THSD7B: variants seen among roughly 807,000 people sequenced by gnomAD.
THSD7B encodes the protein thrombospondin type 1 domain containing 7B, also known as thrombospondin type-1 domain-containing protein 7B.
In THSD7B, 138 loss-of-function variants were observed where a neutral mutation model predicts 213.6. The ratio of observed to expected loss-of-function variants is 0.65; its 90% CI spans 0.56 to 0.74. The LOEUF (loss-of-function observed/expected upper bound fraction) is 0.74, where lower values mean the gene tolerates loss of function less well. Ranked by LOEUF, THSD7B falls within the 30% of genes least tolerant of loss-of-function variation. The pLI is 0.00. For synonymous variants in THSD7B, 742 were observed against 687.0 expected, an observed-to-expected ratio of 1.08 and a Z score of -1.25; for missense variants, 1,931 against 1,991.5, an observed-to-expected ratio of 0.97 and a Z score of 0.58.
intron 1 of THSD7B, among the ~76,000 whole-genome samples, chr2:136,804,223 T>G (rs1420991603): frequency 6.6e-6 from 1 of 152,204 alleles, no homozygotes; most frequent in Non-Finnish European, 1.5e-5. Flanking sequence ...TTCAGCAATG[T>G]AATTACCTTT....
At chr2:136,769,038 C>A (rs1290234228) in intron 1 of THSD7B, among the ~76,000 whole-genome samples, 1 of 152,154 alleles carries the variant, frequency 6.6e-6, no homozygotes, top group Non-Finnish European at 1.5e-5. Context: ...ATCACAGGCA[C>A]CTGTGCTCCA....
At chr2:136,850,995 A>AT (rs1429534818) in intron 1 of THSD7B, among the ~76,000 whole-genome samples, 1 of 152,000 alleles carries the variant, frequency 6.6e-6, no homozygotes, top group African/African-American at 2.4e-5. Flanking sequence ...TTGCTGCACG[A>AT]TTTTTTGTTG....
intron 1 of THSD7B, among the ~76,000 whole-genome samples, chr2:136,789,020 G>T (rs958668098): frequency 6.6e-6 from 1 of 152,064 alleles, no homozygotes; most frequent in Non-Finnish European, 1.5e-5. Context: ...GTATGCAGTT[G>T]ATTAGGAGGT....
chr2:137,058,212 C>T (rs981407153), intron 3 of THSD7B, among the ~76,000 whole-genome samples: 1 of 151,992 alleles, frequency 6.6e-6, no homozygotes, highest in African/African-American at 2.4e-5. Flanking sequence ...ATATTTTATC[C>T]TTGATACTTC....
At chr2:137,412,215 C>T (rs535459065) in intron 14 of THSD7B, among the ~76,000 whole-genome samples, 2 of 151,780 alleles carry the variant, frequency 1.3e-5, no homozygotes, top group South Asian at 2.1e-4. Flanking sequence ...TTTTCATGCT[C>T]TGACCATATA....
intron 12 of THSD7B, among the ~76,000 whole-genome samples, chr2:137,376,995 T>C (rs373269957): frequency 3.3e-5 from 5 of 152,176 alleles, no homozygotes; most frequent in Admixed American, 3.3e-4. Context: ...AGTTAGATGA[T>C]TTCTTACCTA....
intron 9 of THSD7B, among the ~76,000 whole-genome samples, chr2:137,238,253 C>T (rs1681812033): frequency 6.6e-6 from 1 of 152,054 alleles, no homozygotes; most frequent in Non-Finnish European, 1.5e-5. Flanking sequence ...TGTGAATGTT[C>T]GAGTGTTGGG....
At chr2:137,088,993 G>A (rs1226301843) in intron 3 of THSD7B, among the ~76,000 whole-genome samples, 2 of 152,088 alleles carry the variant, frequency 1.3e-5, no homozygotes, top group African/African-American at 2.4e-5. Context: ...TGGATGCAGT[G>A]AACAAGGAAC....
chr2:137,260,584 A>G (rs2105082111), intron 10 of THSD7B, among the ~76,000 whole-genome samples: 1 of 152,254 alleles, frequency 6.6e-6, no homozygotes, highest in South Asian at 2.1e-4. Flanking sequence ...ACGACAAAGG[A>G]CAACCTTGTC....
chr2:137,306,098 C>A (rs530432821), intron 12 of THSD7B, among the ~76,000 whole-genome samples: 1 of 152,074 alleles, frequency 6.6e-6, no homozygotes, highest in South Asian at 2.1e-4. Context: ...TGGTAGTGAA[C>A]GTGAAGCCCC....
intron 2 of THSD7B, among the ~76,000 whole-genome samples, chr2:136,982,259 T>C (rs1273703090): frequency 6.6e-6 from 1 of 152,120 alleles, no homozygotes; most frequent in Non-Finnish European, 1.5e-5. Flanking sequence ...AAAATACTCT[T>C]TCTAGGTAAG....
intron 15 of THSD7B, among the ~76,000 whole-genome samples, chr2:137,486,950 A>G (rs1276350623): frequency 1.3e-5 from 2 of 152,198 alleles, no homozygotes; most frequent in Non-Finnish European, 2.9e-5. Context: ...ACCAATGAGA[A>G]CAAAGCCACA....
At chr2:137,434,577 C>T (rs1270222696) in intron 14 of THSD7B, among the ~76,000 whole-genome samples, 2 of 152,176 alleles carry the variant, frequency 1.3e-5, no homozygotes, top group Non-Finnish European at 2.9e-5. Flanking sequence ...TTCACGAGCT[C>T]ATGGCTCCTT....
intron 15 of THSD7B, among the ~76,000 whole-genome samples, chr2:137,467,621 C>A (rs1450153448): frequency 6.6e-6 from 1 of 152,020 alleles, no homozygotes; most frequent in African/African-American, 2.4e-5. Flanking sequence ...TTTTTGATAC[C>A]TAATTTGACA....
At chr2:136,790,795 C>T (rs533819789) in intron 1 of THSD7B, among the ~76,000 whole-genome samples, 6 of 152,056 alleles carry the variant, frequency 3.9e-5, no homozygotes, top group African/African-American at 7.2e-5. Context: ...AGACCAAGGA[C>T]GCTACAAACT....
intron 12 of THSD7B, among the ~76,000 whole-genome samples, chr2:137,321,682 G>A (rs923004531): frequency 4.6e-5 from 7 of 152,118 alleles, no homozygotes; most frequent in Admixed American, 1.3e-4. Context: ...TATGCAAAGT[G>A]GTCTGCAATA....
intron 17 of THSD7B, among the ~76,000 whole-genome samples, chr2:137,581,047 A>G (rs535061804): frequency 8.8e-4 from 134 of 152,294 alleles, no homozygotes; most frequent in African/African-American, 3.1e-3. Flanking sequence ...CAGGTGATAT[A>G]ATATGTCTGA....
intron 16 of THSD7B, among the ~76,000 whole-genome samples, chr2:137,568,571 G>T (rs1412336182): frequency 1.3e-5 from 2 of 152,118 alleles, no homozygotes; most frequent in South Asian, 2.1e-4. Context: ...CCACATGGCT[G>T]GGGAGGCCTC....
At chr2:137,010,712 C>T (rs1251295523) in intron 2 of THSD7B, among the ~76,000 whole-genome samples, 1 of 152,142 alleles carries the variant, frequency 6.6e-6, no homozygotes, top group Non-Finnish European at 1.5e-5. Context: ...TTACTGAATG[C>T]CTACTTTTCA....
Sources: allele counts gnomAD v4.1 joint callset (sites outside exome capture counted in the v4.1 genomes callset), GRCh38; gene constraint gnomAD v4.1.1; transcripts MANE v1.5; gene names NCBI Gene and HGNC (gene_info 2026-07-23, HGNC 2026-07-21).